The following PDGFD variants were observed in gnomAD, a reference collection of about 807,000 sequenced individuals.
PDGFD encodes platelet derived growth factor D, also known as platelet-derived growth factor D.
A neutral mutation model predicts 44.7 loss-of-function variants in PDGFD; 30 were observed. The observed-to-expected ratio is 0.67, with a 90% CI of 0.50 to 0.91. The LOEUF is 0.91. PDGFD is among the 40% of genes least tolerant of loss of function. PDGFD has a pLI of 0.00. For synonymous variants in PDGFD, 173 were observed against 168.4 expected (o/e 1.03, Z -0.21); for missense variants, 445 against 457.8 (o/e 0.97, Z 0.25).
chr11:104,094,303 T>C (rs1250038905), intron 1 of PDGFD, among the ~76,000 whole-genome samples: 1 of 152,008 alleles, frequency 6.6e-6, no homozygotes, highest in African/African-American at 2.4e-5. Flanking sequence ...ATCCTCAAAG[T>C]TGGAATTCCT....
At chr11:104,095,060 C>T (rs923698192) in intron 1 of PDGFD, among the ~76,000 whole-genome samples, 5 of 152,036 alleles carry the variant, frequency 3.3e-5, no homozygotes, top group Admixed American at 1.3e-4. Flanking sequence ...TGTATATGGA[C>T]GTATCTTCCC....
At chr11:104,101,991 C>T (rs1390882859) in intron 1 of PDGFD, among the ~76,000 whole-genome samples, 1 of 151,986 alleles carries the variant, frequency 6.6e-6, no homozygotes, top group Non-Finnish European at 1.5e-5. Context: ...AAAACCTAGG[C>T]AATACCATTC....
intron 1 of PDGFD, among the ~76,000 whole-genome samples, chr11:104,112,699 G>C (rs1861577041): frequency 6.6e-6 from 1 of 152,070 alleles, no homozygotes; most frequent in South Asian, 2.1e-4. Context: ...CCATAAAAAA[G>C]AATGAGATCA....
At chr11:104,147,064 C>T (rs1040248443) in intron 1 of PDGFD, among the ~76,000 whole-genome samples, 1 of 151,150 alleles carries the variant, frequency 6.6e-6, no homozygotes, top group African/African-American at 2.4e-5. Context: ...TGAAAAGTGC[C>T]CTCTGAATAA....
chr11:104,113,353 A>T (rs1861588639), intron 1 of PDGFD, among the ~76,000 whole-genome samples: 1 of 152,140 alleles, frequency 6.6e-6, no homozygotes, highest in African/African-American at 2.4e-5. Flanking sequence ...GGGGAGGCAA[A>T]CAAAAAACAT....
At chr11:104,024,984 G>A (rs1860021115) in intron 1 of PDGFD, among the ~76,000 whole-genome samples, 1 of 152,186 alleles carries the variant, frequency 6.6e-6, no homozygotes, top group African/African-American at 2.4e-5. Context: ...AATGCTATGT[G>A]TATTTTTCAG....
intron 1 of PDGFD, among the ~76,000 whole-genome samples, chr11:104,089,198 A>T (rs1455099483): frequency 6.6e-6 from 1 of 152,178 alleles, no homozygotes; most frequent in Non-Finnish European, 1.5e-5. Context: ...TATTGAAACA[A>T]TTTGGATAGG....
rs1423040222 is a variant in PDGFD, at chr11:104,046,790, G to A, written c.125-46535C>T. 2.0e-5 allele frequency among the ~76,000 whole-genome samples: 3 copies of A among 146,486 alleles called. 1 individual carries two copies. The highest frequency in any genetic ancestry group is 4.6e-5 in the Non-Finnish European group (3 of 65,780). Reference sequence around the variant, plus strand: ...AAGTTCTGGGATACATGTTTAGAACGTGAAGGTTTGTTACACAGGTATACG... The same window carrying A: ...AAGTTCTGGGATACATGTTTAGAACATGAAGGTTTGTTACACAGGTATACG... On this transcript the variant is annotated intron_variant, in intron 1 of 6. Coordinates refer to ENST00000393158, the MANE Select transcript of PDGFD (RefSeq NM_025208.5).
chr11:104,048,369 T>G (rs754000924), intron 1 of PDGFD, among the ~76,000 whole-genome samples: 2 of 152,018 alleles, frequency 1.3e-5, no homozygotes, highest in Non-Finnish European at 2.9e-5. Flanking sequence ...GTTCTGATTC[T>G]GCCATTCATT....
intron 1 of PDGFD, among the ~76,000 whole-genome samples, chr11:104,088,756 G>C (rs1861169870): frequency 6.6e-6 from 1 of 152,062 alleles, no homozygotes; most frequent in Non-Finnish European, 1.5e-5. Context: ...TCAGACTCGT[G>C]GATTCTTTAG....
At chr11:104,117,757 TC>T (rs1861663373) in intron 1 of PDGFD, among the ~76,000 whole-genome samples, 1 of 151,870 alleles carries the variant, frequency 6.6e-6, no homozygotes, top group Non-Finnish European at 1.5e-5. Context: ...TGGAAACACA[TC>T]CCATGTTCAT....
At chr11:103,913,697 A>G (rs1858067912) in intron 6 of PDGFD, among the ~76,000 whole-genome samples, 1 of 152,220 alleles carries the variant, frequency 6.6e-6, no homozygotes. Context: ...CCTTCAAATA[A>G]ATCAATGAAT....
intron 3 of PDGFD, among the ~76,000 whole-genome samples, chr11:103,976,744 G>C (rs1476303969): frequency 6.6e-6 from 1 of 151,986 alleles, no homozygotes; most frequent in Non-Finnish European, 1.5e-5. Context: ...AGTTTATTGA[G>C]AGTTTTTAGC....
rs531517480 is a variant in PDGFD at position 104,028,064 on chromosome 11, C to A, written c.125-27809G>T. Among the ~76,000 whole-genome samples the A allele has an allele frequency of 7.8e-4, 119 of 152,016 alleles. 2 individuals carry two copies. The East Asian group carries it at 0.018, about 23-fold the overall frequency. ...AATTAGCCGGGCATGGTGACAGGCG[C>A]CTGTAGTCCCAGCTACTCTGGAGAC... On this transcript the variant is annotated intron_variant, in intron 1 of 6. Transcript: ENST00000393158.
intron 1 of PDGFD, among the ~76,000 whole-genome samples, chr11:104,122,325 C>G (rs2134464382): frequency 6.6e-6 from 1 of 152,070 alleles, no homozygotes; most frequent in African/African-American, 2.4e-5. Flanking sequence ...AACTCATCTG[C>G]ATAATAAAAG....
chr11:104,029,733 T>C (rs77394270), intron 1 of PDGFD, among the ~76,000 whole-genome samples: 4,951 of 152,286 alleles, frequency 0.033, 291 homozygotes, highest in African/African-American at 0.11. Flanking sequence ...AGATCTTTCC[T>C]GTTTGGGTGG....
intron 6 of PDGFD, among the ~76,000 whole-genome samples, chr11:103,926,606 C>A (rs1031954348): frequency 6.6e-6 from 1 of 152,080 alleles, no homozygotes; most frequent in East Asian, 1.9e-4. Context: ...TTCTGTCTTT[C>A]TGCAAGTAGG....
intron 1 of PDGFD, among the ~76,000 whole-genome samples, chr11:104,075,151 C>T (rs953690390): frequency 3.3e-5 from 5 of 152,072 alleles, no homozygotes; most frequent in Non-Finnish European, 4.4e-5. Flanking sequence ...GGCTAAGATA[C>T]AAATGTTCAC....
At chr11:103,951,721 C>CAGG (rs1858760701) in intron 3 of PDGFD, among the ~76,000 whole-genome samples, 1 of 152,162 alleles carries the variant, frequency 6.6e-6, no homozygotes, top group African/African-American at 2.4e-5. Context: ...CAATGGCTGG[C>CAGG]TCCTCATCAT....
Sources: allele counts gnomAD v4.1 joint callset (sites outside exome capture counted in the v4.1 genomes callset), GRCh38; gene constraint gnomAD v4.1.1; transcripts MANE v1.5; gene names NCBI Gene and HGNC (gene_info 2026-07-23, HGNC 2026-07-21).